The following ANKS1B variants were observed in gnomAD, a reference collection of about 807,000 sequenced individuals.
ANKS1B encodes ankyrin repeat and sterile alpha motif domain containing 1B.
In ANKS1B, 36 loss-of-function variants were observed where a neutral mutation model predicts 148.3. That is an observed-to-expected ratio of 0.24 (90% CI 0.19 to 0.32). ANKS1B has a LOEUF of 0.32. Among genes scored for constraint, ANKS1B ranks in the 10% least tolerant of loss-of-function variants. The probability of loss-of-function intolerance (pLI) is 1.00; values close to 1 mark genes in which losing one functional copy is unlikely to be tolerated. For missense variants in ANKS1B, 1,157 were observed against 1,542.6 expected, an observed-to-expected ratio of 0.75 and a Z score of 4.19; for synonymous variants, 542 against 560.8, an observed-to-expected ratio of 0.97 and a Z score of 0.47.
At chr12:99,745,337 T>C (rs1278318181) in intron 8 of ANKS1B, among the ~76,000 whole-genome samples, 1 of 152,160 alleles carries the variant, frequency 6.6e-6, no homozygotes, top group Non-Finnish European at 1.5e-5. Flanking sequence ...CAGTAAACAT[T>C]GGGCAAATTT....
At chr12:99,282,745 T>C (rs2154001291) in intron 12 of ANKS1B, among the ~76,000 whole-genome samples, 1 of 152,320 alleles carries the variant, frequency 6.6e-6, no homozygotes, top group East Asian at 1.9e-4. Context: ...TTTCATTAAC[T>C]GACATGGGGA....
At chr12:99,493,211 G>T (rs1181594903) in intron 10 of ANKS1B, among the ~76,000 whole-genome samples, 1 of 152,170 alleles carries the variant, frequency 6.6e-6, no homozygotes, top group Non-Finnish European at 1.5e-5. Context: ...CAATGTATAA[G>T]CAAAAATAGT....
intron 10 of ANKS1B, among the ~76,000 whole-genome samples, chr12:99,497,560 A>G (rs573866944): frequency 6.6e-6 from 1 of 152,060 alleles, no homozygotes; most frequent in South Asian, 2.1e-4. Flanking sequence ...ATATCTTCAC[A>G]TTGTCTTCCC....
chr12:98,946,541 TC>T, intron 17 of ANKS1B, among the ~76,000 whole-genome samples: 1 of 152,074 alleles, frequency 6.6e-6, no homozygotes, highest in East Asian at 1.9e-4. Flanking sequence ...ATCTAATAAA[TC>T]AGGAAACTCA....
rs534052002 is a variant in ANKS1B at position 99,347,526 on chromosome 12, A to G, written c.1756+52105T>C. 2.6e-5 allele frequency among the ~76,000 whole-genome samples: 4 copies of G among 152,196 alleles called. No homozygotes were observed. In the East Asian group the frequency reaches 5.8e-4, roughly 22 times the overall value. On this transcript the variant is annotated intron_variant, in intron 12 of 26. Transcript: ENST00000683438. ...AAGGCCTGCCCCAACATACACACAG[A>G]GCCCAGTTGCAAAGACTGAGAGAGT...
chr12:98,811,807 G>A (rs2099098559), intron 19 of ANKS1B, among the ~76,000 whole-genome samples: 1 of 152,050 alleles, frequency 6.6e-6, no homozygotes, highest in South Asian at 2.1e-4. Flanking sequence ...TCTCTTTAGG[G>A]TGTGCAGTGC....
At chr12:99,139,558 T>C (rs946571296) in intron 15 of ANKS1B, among the ~76,000 whole-genome samples, 3 of 145,364 alleles carry the variant, frequency 2.1e-5, no homozygotes, top group East Asian at 4.1e-4. Flanking sequence ...GGATTACAGG[T>C]GCAAGCCACT....
intron 1 of ANKS1B, among the ~76,000 whole-genome samples, chr12:99,920,016 G>A (rs1276678793): frequency 6.6e-6 from 1 of 152,074 alleles, no homozygotes; most frequent in Non-Finnish European, 1.5e-5. Flanking sequence ...GCACTAATGT[G>A]AGGTCCTAAT....
chr12:99,201,345 G>A (rs113001370), intron 14 of ANKS1B, among the ~76,000 whole-genome samples: 2,020 of 152,046 alleles, frequency 0.013, 42 homozygotes, highest in African/African-American at 0.046. Context: ...CCTAGAAACT[G>A]AAGATACAGT....
intron 9 of ANKS1B, among the ~76,000 whole-genome samples, chr12:99,591,897 T>C (rs544663514): frequency 1.3e-5 from 2 of 152,344 alleles, no homozygotes; most frequent in African/African-American, 2.4e-5. Flanking sequence ...TTCTAGGCTA[T>C]TAAACAATCT....
In ANKS1B at chr12:99,486,237, C is replaced by T. The variant is rs1415489796; in HGVS notation, c.1438+18239G>A. Reference sequence around the variant, plus strand: ...TCCTTTTTTCCCCTAAAAGATGTGACTTTAATGCTTATAGTTAATTATTGC... The same window carrying T: ...TCCTTTTTTCCCCTAAAAGATGTGATTTTAATGCTTATAGTTAATTATTGC... On this transcript the variant is annotated intron_variant, in intron 10 of 26. Transcript: ENST00000683438. 3.3e-5 allele frequency among the ~76,000 whole-genome samples: 5 copies of T among 151,584 alleles called. No individual in the cohort carries two copies. In the South Asian group the frequency reaches 8.3e-4, roughly 25 times the overall value.
chr12:99,336,431 C>T (rs1236226624), intron 12 of ANKS1B, among the ~76,000 whole-genome samples: 1 of 152,042 alleles, frequency 6.6e-6, no homozygotes, highest in African/African-American at 2.4e-5. Context: ...TATTTTTCAA[C>T]AAATCTCTGC....
intron 8 of ANKS1B, 134 bp from the exon 9 acceptor site, chr12:99,655,344 G>GCACAGCCATGTAA: frequency 2.8e-6 from 2 of 717,436 alleles, no homozygotes; most frequent in Non-Finnish European, 4.3e-6. Context: ...CAGTTACATG[G>GCACAGCCATGTAA]CTGTGCCCTG....
chr12:99,552,480 A>G (rs988190236), intron 9 of ANKS1B, among the ~76,000 whole-genome samples: 6 of 152,206 alleles, frequency 3.9e-5, no homozygotes, highest in African/African-American at 1.4e-4. Flanking sequence ...ACAGTGTCTG[A>G]CACATAAAAC....
At chr12:99,864,651 A>T (rs894941848) in intron 1 of ANKS1B, among the ~76,000 whole-genome samples, 2 of 152,206 alleles carry the variant, frequency 1.3e-5, no homozygotes, top group Non-Finnish European at 2.9e-5. Flanking sequence ...AGATTCTGCA[A>T]TTGCCAGCTG....
At chr12:99,784,461 C>A (rs980308096) in intron 4 of ANKS1B, among the ~76,000 whole-genome samples, 11 of 152,048 alleles carry the variant, frequency 7.2e-5, no homozygotes, top group African/African-American at 2.7e-4. Context: ...CGTGAGCCAC[C>A]GCGCCTGGCC....
chr12:99,179,428 CAAAAAAAAAAAAAAA>C (rs59979808), intron 14 of ANKS1B, among the ~76,000 whole-genome samples: 4 of 72,952 alleles, frequency 5.5e-5, no homozygotes, highest in African/African-American at 2.2e-4. Context: ...GACTCTGTCT[CAAAAAAAAAAAAAAA>C]AAAAAAAAAA....
At chr12:99,958,502 C>A (rs552416897) in intron 1 of ANKS1B, among the ~76,000 whole-genome samples, 5 of 152,138 alleles carry the variant, frequency 3.3e-5, no homozygotes, top group Non-Finnish European at 7.3e-5. Flanking sequence ...CCCACCTCAG[C>A]CCCCCAAGTA....
Position 99,445,039 on chromosome 12 carries a change from G to A in ANKS1B, c.1439-1230C>T, listed in dbSNP as rs563468185. ...CAAGTATGACACATAGAATTACTTG[G>A]ATGACTCATAAAATAAGTCTTAAAA... On this transcript the variant is annotated intron_variant, in intron 10 of 26. Transcript: ENST00000683438. 4.4e-4 allele frequency among the ~76,000 whole-genome samples: 67 copies of A among 152,086 alleles called. 1 individual carries two copies. The highest frequency in any genetic ancestry group is 1.2e-3 in the Admixed American group (18 of 15,260).
Sources: gnomAD v4.1 joint callset for allele counts (sites outside exome capture counted in the v4.1 genomes callset) on GRCh38, gnomAD v4.1.1 for gene constraint, MANE v1.5 for transcripts, NCBI Gene and HGNC (gene_info 2026-07-23, HGNC 2026-07-21) for gene names.